The following FBXL7 variants were observed in gnomAD, a reference collection of about 807,000 sequenced individuals.
FBXL7 encodes the protein F-box/LRR-repeat protein 7.
Under a neutral mutation model 38.3 loss-of-function variants are expected in FBXL7, and 12 were observed. The observed-to-expected ratio is 0.31, with a 90% CI of 0.20 to 0.51. The LOEUF (loss-of-function observed/expected upper bound fraction) is 0.51. Among genes scored for constraint, FBXL7 ranks in the 20% least tolerant of loss-of-function variants. The pLI, the probability that FBXL7 is intolerant of heterozygous loss-of-function variation, is 0.98. For missense variants in FBXL7, 567 were observed against 676.4 expected, an observed-to-expected ratio of 0.84 and a Z score of 1.79; for synonymous variants, 297 against 300.9, an observed-to-expected ratio of 0.99 and a Z score of 0.13.
At chr5:15,501,047 G>A (rs1736473055) in intron 1 of FBXL7, among the ~76,000 whole-genome samples, 1 of 152,190 alleles carries the variant, frequency 6.6e-6, no homozygotes, top group Non-Finnish European at 1.5e-5. Context: ...TTGGCAGATG[G>A]CGGAAGACGT....
chr5:15,679,956 A>T (rs1487548096), intron 2 of FBXL7, among the ~76,000 whole-genome samples: 1 of 152,220 alleles, frequency 6.6e-6, no homozygotes, highest in African/African-American at 2.4e-5. Flanking sequence ...TTTCATAAAC[A>T]TTTGGCCAAA....
intron 2 of FBXL7, among the ~76,000 whole-genome samples, chr5:15,745,059 A>G (rs1031773688): frequency 1.4e-4 from 22 of 152,340 alleles, no homozygotes; most frequent in South Asian, 1.2e-3. Flanking sequence ...TAGCCAAACT[A>G]TATCAAGTTT....
chr5:15,788,819 A>G (rs577875474), intron 2 of FBXL7, among the ~76,000 whole-genome samples: 295 of 150,800 alleles, frequency 2.0e-3, no homozygotes, highest in Middle Eastern at 0.01. Context: ...AGCTGGGACT[A>G]CAGGCATGCA....
chr5:15,620,933 A>G (rs369325400), intron 2 of FBXL7, among the ~76,000 whole-genome samples: 30 of 152,296 alleles, frequency 2.0e-4, no homozygotes, highest in South Asian at 1.7e-3. Flanking sequence ...AATGGTAAAG[A>G]CATCGAATTT....
At chr5:15,765,438 G>A (rs1462774164) in intron 2 of FBXL7, among the ~76,000 whole-genome samples, 1 of 152,096 alleles carries the variant, frequency 6.6e-6, no homozygotes, top group Non-Finnish European at 1.5e-5. Flanking sequence ...AGTAACAAAT[G>A]CCCAAGATGT....
intron 2 of FBXL7, among the ~76,000 whole-genome samples, chr5:15,695,081 A>C (rs996177313): frequency 3.9e-5 from 6 of 152,346 alleles, no homozygotes; most frequent in South Asian, 2.1e-4. Flanking sequence ...CTTCATAAAG[A>C]TCAGGATTAG....
intron 1 of FBXL7, among the ~76,000 whole-genome samples, chr5:15,599,694 C>T (rs968179158): frequency 6.6e-6 from 1 of 152,140 alleles, no homozygotes; most frequent in Admixed American, 6.6e-5. Flanking sequence ...CTCAGGGCTC[C>T]CCCAGTTATT....
intron 2 of FBXL7, among the ~76,000 whole-genome samples, chr5:15,740,329 A>G (rs895930201): frequency 7.9e-5 from 12 of 152,180 alleles, no homozygotes; most frequent in Admixed American, 6.5e-5. Context: ...CCTGCAAGTT[A>G]TGGATGGTGG....
chr5:15,711,526 A>G (rs958240565), intron 2 of FBXL7, among the ~76,000 whole-genome samples: 1 of 152,216 alleles, frequency 6.6e-6, no homozygotes, highest in African/African-American at 2.4e-5. Flanking sequence ...TTAGGACTTC[A>G]ACATAACTTT....
At chr5:15,666,219 GT>G (rs1049278309) in intron 2 of FBXL7, among the ~76,000 whole-genome samples, 1 of 151,950 alleles carries the variant, frequency 6.6e-6, no homozygotes, top group Non-Finnish European at 1.5e-5. Context: ...TCTGAGTTGT[GT>G]TTTTTGGAGG....
At chr5:15,899,357 G>A (rs1203242827) in intron 2 of FBXL7, among the ~76,000 whole-genome samples, 4 of 152,138 alleles carry the variant, frequency 2.6e-5, no homozygotes, top group Admixed American at 1.3e-4. Context: ...GTGAGCCACC[G>A]CGCCTGGCCA....
chr5:15,593,964 G>A lies in FBXL7; in HGVS notation c.38-22019G>A, dbSNP rs556082178. On this transcript the variant is annotated intron_variant, in intron 1 of 3. Coordinates refer to ENST00000504595, the MANE Select transcript of FBXL7 (RefSeq NM_012304.5). ...TGAACCATATGACAGTGTTGATTTT[G>A]AACCTTTTTAACCTATGAAAATGGC... Among the ~76,000 whole-genome samples the A allele has an allele frequency of 1.7e-3, 262 of 152,212 alleles. 1 individual carries two copies. Among genetic ancestry groups the A allele is most frequent in the African/African-American group, 6.0e-3 (249 of 41,534 alleles).
At chr5:15,641,675 G>A (rs1741373012) in intron 2 of FBXL7, among the ~76,000 whole-genome samples, 1 of 152,082 alleles carries the variant, frequency 6.6e-6, no homozygotes, top group Non-Finnish European at 1.5e-5. Context: ...TCCCAGTGTG[G>A]GCGAGTCTCA....
At chr5:15,923,341 C>A (rs1036160106) in intron 2 of FBXL7, among the ~76,000 whole-genome samples, 1 of 152,138 alleles carries the variant, frequency 6.6e-6, no homozygotes, top group Non-Finnish European at 1.5e-5. Context: ...AGAAATGGTC[C>A]TTGTTTTGAA....
chr5:15,650,015 G>A (rs1741654331), intron 2 of FBXL7, among the ~76,000 whole-genome samples: 1 of 152,148 alleles, frequency 6.6e-6, no homozygotes. Flanking sequence ...ATATTTCCCA[G>A]TCCTGTAATA....
chr5:15,824,295 CAAA>C (rs57955989), intron 2 of FBXL7, among the ~76,000 whole-genome samples: 8 of 122,922 alleles, frequency 6.5e-5, no homozygotes, highest in Admixed American at 1.8e-4. Context: ...GACTCCGTCT[CAAA>C]AAAAAAAAAA....
intron 1 of FBXL7, among the ~76,000 whole-genome samples, chr5:15,512,016 A>T (rs1736808809): frequency 6.6e-6 from 1 of 152,236 alleles, no homozygotes; most frequent in Non-Finnish European, 1.5e-5. Flanking sequence ...CTCCTCTGCA[A>T]AACTCTGTTT....
At chr5:15,646,180 A>G (rs1440350547) in intron 2 of FBXL7, among the ~76,000 whole-genome samples, 5 of 152,354 alleles carry the variant, frequency 3.3e-5, no homozygotes, top group Non-Finnish European at 4.4e-5. Flanking sequence ...AAGAACATAT[A>G]AAGAATAAAA....
chr5:15,818,670 T>C (rs1738083368), intron 2 of FBXL7, among the ~76,000 whole-genome samples: 1 of 151,820 alleles, frequency 6.6e-6, no homozygotes, highest in Non-Finnish European at 1.5e-5. Flanking sequence ...CTTAAATTTT[T>C]ATATTGGAGT....
Sources: gnomAD v4.1 joint callset for allele counts (sites outside exome capture counted in the v4.1 genomes callset) on GRCh38, gnomAD v4.1.1 for gene constraint, MANE v1.5 for transcripts, NCBI Gene and HGNC (gene_info 2026-07-23, HGNC 2026-07-21) for gene names.